ABLIM1: variants seen among roughly 807,000 people sequenced by gnomAD.
The protein encoded by ABLIM1 is actin-binding LIM protein 1.
Under a neutral mutation model 107.0 loss-of-function variants are expected in ABLIM1, and 40 were observed. That is an observed-to-expected ratio of 0.37 (90% CI 0.29 to 0.49). The LOEUF is 0.49. ABLIM1 is among the 20% of genes least tolerant of loss of function. ABLIM1 has a pLI of 0.97. For synonymous variants in ABLIM1, 357 were observed against 357.3 expected (o/e 1.00, Z 0.01); for missense variants, 857 against 1,008.5 (o/e 0.85, Z 2.04).
At chr10:114,698,019 A>C (rs1361660965) in intron 1 of ABLIM1, among the ~76,000 whole-genome samples, 1 of 43,990 alleles carries the variant, frequency 2.3e-5, no homozygotes, top group Non-Finnish European at 7.3e-5. Context: ...AATCCCCCAC[A>C]TAGAAATCTC....
intron 1 of ABLIM1, among the ~76,000 whole-genome samples, chr10:114,631,360 A>G (rs1406642075): frequency 6.6e-6 from 1 of 152,146 alleles, no homozygotes; most frequent in Non-Finnish European, 1.5e-5. Flanking sequence ...TCCTTTAAGA[A>G]GGTGTTTGGA....
chr10:114,632,367 C>T, intron 1 of ABLIM1: 1 of 985,410 alleles, frequency 1.0e-6, no homozygotes, highest in African/African-American at 1.7e-5. Flanking sequence ...CGAGCACCAG[C>T]TAGAGACGGT....
intron 4 of ABLIM1, among the ~76,000 whole-genome samples, chr10:114,565,367 C>G (rs2070510609): frequency 6.6e-6 from 1 of 152,228 alleles, no homozygotes. Flanking sequence ...AAAGCAGAGT[C>G]ACAAAATGTG....
chr10:114,781,786 C>G, the ABLIM1 span, among the ~76,000 whole-genome samples: 1 of 151,486 alleles, frequency 6.6e-6, no homozygotes, highest in Non-Finnish European at 1.5e-5. Flanking sequence ...TGATATCAAA[C>G]TGACTAAATT....
At chr10:114,791,166 C>T in the ABLIM1 span, among the ~76,000 whole-genome samples, 3 of 152,072 alleles carry the variant, frequency 2.0e-5, no homozygotes, top group African/African-American at 4.8e-5. Flanking sequence ...ATGGCAGCCT[C>T]GAACTCCTGG....
At chr10:114,795,720 AAAAAG>A in the ABLIM1 span, among the ~76,000 whole-genome samples, 27 of 152,208 alleles carry the variant, frequency 1.8e-4, no homozygotes, top group South Asian at 1.0e-3. Context: ...AAAAAAAAAA[AAAAAG>A]AAATTACATT....
Position 114,571,384 on chromosome 10 carries a change from G to A in ABLIM1, c.586C>T (p.Arg196Ter), listed in dbSNP as rs761534863. Reference protein sequence around the residue: ...ICKRPFPPGDRVTFNGRDCLC... With the variant: ...ICKRPFPPGD The stretch of plus-strand genomic sequence containing the variant: ...CAGTCTCTCCCATTGAATGTGACTC[G>A]GTCTCCGGGTGGAAACGGGCGCCTG... Residue 196 changes from arginine (R) to a stop codon, truncating the protein, a stop_gained, in exon 4 of 23, where the codon CGA (arginine) becomes TGA (stop). Transcript: ENST00000533213. LOFTEE classifies it high-confidence loss of function. 7 of 1,614,110 alleles carry A rather than the reference G, an allele frequency of 4.3e-6. No individual in the cohort carries two copies. Among genetic ancestry groups the A allele is most frequent in the South Asian group, 1.1e-5 (1 of 91,064 alleles).
intron 12 of ABLIM1, among the ~76,000 whole-genome samples, chr10:114,461,474 T>A (rs2063893531): frequency 6.6e-6 from 1 of 152,048 alleles, no homozygotes; most frequent in Admixed American, 6.5e-5. Context: ...AATCTTGACA[T>A]TTTATAAATA....
At chr10:114,764,849 A>G (rs1432023721) in intron 1 of ABLIM1, 1 of 152,224 alleles carries the variant, frequency 6.6e-6, no homozygotes, top group Non-Finnish European at 1.5e-5. Context: ...TGCGCAGGCC[A>G]TGGGCAGCAC....
At chr10:114,589,520 C>A (rs2074603174) in intron 2 of ABLIM1, among the ~76,000 whole-genome samples, 1 of 149,040 alleles carries the variant, frequency 6.7e-6, no homozygotes, top group South Asian at 2.1e-4. Flanking sequence ...TAGAGTGAGA[C>A]TCTGTCTCAA....
At chr10:114,521,054 A>C (rs1338325055) in intron 6 of ABLIM1, among the ~76,000 whole-genome samples, 1 of 152,238 alleles carries the variant, frequency 6.6e-6, no homozygotes, top group Non-Finnish European at 1.5e-5. Context: ...ATGAACTGAT[A>C]GGCTCATGTT....
chr10:114,460,462 G>C (rs747579909), intron 12 of ABLIM1, among the ~76,000 whole-genome samples: 3 of 152,166 alleles, frequency 2.0e-5, no homozygotes, highest in Non-Finnish European at 4.4e-5. Context: ...TTAGCTAGGC[G>C]TGGTGGCGCA....
At chr10:114,597,062 T>G (rs1413457273) in intron 2 of ABLIM1, among the ~76,000 whole-genome samples, 1 of 152,212 alleles carries the variant, frequency 6.6e-6, no homozygotes, top group Admixed American at 6.5e-5. Flanking sequence ...GGGCTTGTTT[T>G]GGCACATGCT....
At chr10:114,753,691 A>T (rs1239367796) in intron 1 of ABLIM1, among the ~76,000 whole-genome samples, 1 of 152,204 alleles carries the variant, frequency 6.6e-6, no homozygotes, top group Non-Finnish European at 1.5e-5. Flanking sequence ...ACTTTTCTGT[A>T]CATGGAATCT....
chr10:114,447,754 A>T, intron 15 of ABLIM1, 126 bp downstream of exon 15: 1 of 1,332,426 alleles, frequency 7.5e-7, no homozygotes, highest in Non-Finnish European at 1.0e-6. Context: ...TCACTATGCT[A>T]CCTCTTGGTC....
chr10:114,791,732 A>G, the ABLIM1 span, among the ~76,000 whole-genome samples: 1 of 152,160 alleles, frequency 6.6e-6, no homozygotes. Flanking sequence ...TTATTTCAAT[A>G]TATAAAAAGG....
At chr10:114,588,561 C>T (rs764078627) in intron 2 of ABLIM1, among the ~76,000 whole-genome samples, 2 of 127,222 alleles carry the variant, frequency 1.6e-5, no homozygotes, top group Non-Finnish European at 3.1e-5. Flanking sequence ...ATGGTGCCAT[C>T]TCAGCTCACT....
At chr10:114,541,362 T>C (rs2066636479) in intron 6 of ABLIM1, among the ~76,000 whole-genome samples, 1 of 152,048 alleles carries the variant, frequency 6.6e-6, no homozygotes, top group Admixed American at 6.5e-5. Context: ...AGGGATAAAA[T>C]AAATTCATCT....
chr10:114,484,777 T>C (rs141671891), intron 8 of ABLIM1, among the ~76,000 whole-genome samples: 1 of 152,256 alleles, frequency 6.6e-6, no homozygotes, highest in African/African-American at 2.4e-5. Context: ...CACCACTTTC[T>C]CCTCATCCCC....
Sources: gnomAD v4.1 joint callset for allele counts (sites outside exome capture counted in the v4.1 genomes callset) on GRCh38, gnomAD v4.1.1 for gene constraint, MANE v1.5 for transcripts, NCBI Gene and HGNC (gene_info 2026-07-23, HGNC 2026-07-21) for gene names.